The following KCNQ5 variants were observed in gnomAD, a reference collection of about 807,000 sequenced individuals.
The protein encoded by KCNQ5 is potassium voltage-gated channel subfamily Q member 5.
Under a neutral mutation model 98.2 loss-of-function variants are expected in KCNQ5, and 30 were observed. The observed-to-expected ratio is 0.31, with a 90% confidence interval of 0.23 to 0.41. The LOEUF (loss-of-function observed/expected upper bound fraction) is 0.41. KCNQ5 is among the 10% of genes least tolerant of loss of function. KCNQ5 has a pLI of 1.00. For synonymous variants in KCNQ5, 458 were observed against 449.4 expected, an observed-to-expected ratio of 1.02 and a Z score of -0.24; for missense variants, 835 against 1,182.5, an observed-to-expected ratio of 0.71 and a Z score of 4.31.
chr6:73,039,094 G>A (rs1409097252), intron 2 of KCNQ5, among the ~76,000 whole-genome samples: 2 of 151,978 alleles, frequency 1.3e-5, no homozygotes, highest in African/African-American at 4.8e-5. Context: ...AAAGGATTTG[G>A]TCCATTTCTT....
chr6:72,827,204 T>C (rs1173162875), intron 1 of KCNQ5, among the ~76,000 whole-genome samples: 1 of 152,128 alleles, frequency 6.6e-6, no homozygotes, highest in Non-Finnish European at 1.5e-5. Flanking sequence ...AGAAGTCTTT[T>C]TGATACAATG....
intron 5 of KCNQ5, among the ~76,000 whole-genome samples, chr6:73,096,206 T>C (rs561918450): frequency 6.6e-6 from 1 of 152,132 alleles, no homozygotes; most frequent in Admixed American, 6.5e-5. Context: ...TAAGCCAGTC[T>C]TGGGAAGTGG....
At chr6:72,654,828 T>G (rs148532437) in intron 1 of KCNQ5, among the ~76,000 whole-genome samples, 191 of 152,222 alleles carry the variant, frequency 1.3e-3, no homozygotes, top group African/African-American at 3.8e-3. Flanking sequence ...TTATTTTCAT[T>G]AAAATAAAGG....
intron 2 of KCNQ5, among the ~76,000 whole-genome samples, chr6:73,014,080 T>A (rs1014637165): frequency 2.0e-5 from 3 of 152,110 alleles, no homozygotes; most frequent in Admixed American, 2.0e-4. Flanking sequence ...TTCTCCTATT[T>A]CCAGGTTAGA....
chr6:73,098,057 A>G (rs1214756728), intron 5 of KCNQ5, among the ~76,000 whole-genome samples: 3 of 152,164 alleles, frequency 2.0e-5, no homozygotes, highest in Non-Finnish European at 4.4e-5. Flanking sequence ...ATTTTATCAG[A>G]TAAATTTAAC....
intron 1 of KCNQ5, among the ~76,000 whole-genome samples, chr6:72,975,218 T>G (rs539959666): frequency 1.4e-4 from 21 of 152,086 alleles, no homozygotes; most frequent in Admixed American, 3.9e-4. Flanking sequence ...TGTTTCTACC[T>G]ACATAAAATC....
chr6:72,691,236 T>C (rs548051191), intron 1 of KCNQ5, among the ~76,000 whole-genome samples: 3 of 152,202 alleles, frequency 2.0e-5, no homozygotes, highest in Non-Finnish European at 4.4e-5. Flanking sequence ...TAAAGAGATC[T>C]CAAGTTGGAA....
At chr6:73,191,789 T>A (rs1466902351) in intron 12 of KCNQ5, among the ~76,000 whole-genome samples, 1 of 152,210 alleles carries the variant, frequency 6.6e-6, no homozygotes. Flanking sequence ...GTAAATTAGA[T>A]GTCATGGCAG....
chr6:72,947,215 C>T (rs1258136462), intron 1 of KCNQ5, among the ~76,000 whole-genome samples: 1 of 152,148 alleles, frequency 6.6e-6, no homozygotes, highest in Non-Finnish European at 1.5e-5. Flanking sequence ...ATATGCTTCA[C>T]TTAACATGCT....
At chr6:72,909,432 T>G (rs1779835016) in intron 1 of KCNQ5, among the ~76,000 whole-genome samples, 1 of 152,126 alleles carries the variant, frequency 6.6e-6, no homozygotes, top group Admixed American at 6.6e-5. Context: ...GACGGGAAAT[T>G]AAGCGTTAAA....
chr6:73,016,583 T>C (rs1770357024), intron 2 of KCNQ5, among the ~76,000 whole-genome samples: 1 of 152,112 alleles, frequency 6.6e-6, no homozygotes. Flanking sequence ...GACCTGACTT[T>C]AGAATGGACT....
intron 1 of KCNQ5, among the ~76,000 whole-genome samples, chr6:72,646,404 A>G (rs752550680): frequency 5.9e-5 from 9 of 152,172 alleles, no homozygotes; most frequent in Non-Finnish European, 1.3e-4. Flanking sequence ...AAATAAAAAT[A>G]CTAAAATTTC....
At chr6:73,175,394 C>T (rs915576359) in intron 11 of KCNQ5, among the ~76,000 whole-genome samples, 11 of 101,916 alleles carry the variant, frequency 1.1e-4, no homozygotes, top group African/African-American at 4.6e-4. Flanking sequence ...AGGTGATCTG[C>T]CCCCCCCTTG....
At chr6:72,765,890 A>G (rs566526396) in intron 1 of KCNQ5, among the ~76,000 whole-genome samples, 12 of 152,154 alleles carry the variant, frequency 7.9e-5, no homozygotes, top group African/African-American at 2.2e-4. Context: ...AGTGGCTTCA[A>G]CTAGGATGAC....
chr6:72,626,304 A>G (rs1366208307), intron 1 of KCNQ5, among the ~76,000 whole-genome samples: 1 of 152,244 alleles, frequency 6.6e-6, no homozygotes, highest in African/African-American at 2.4e-5. Context: ...ACAAATGAGT[A>G]GTTAATTTTC....
chr6:72,647,938 A>C (rs1440822349), intron 1 of KCNQ5, among the ~76,000 whole-genome samples: 1 of 152,128 alleles, frequency 6.6e-6, no homozygotes, highest in Non-Finnish European at 1.5e-5. Context: ...TCAGCCACTC[A>C]GTAAATATTG....
At chr6:73,094,431 A>G (rs1774394628) in intron 5 of KCNQ5, among the ~76,000 whole-genome samples, 1 of 152,066 alleles carries the variant, frequency 6.6e-6, no homozygotes, top group African/African-American at 2.4e-5. Flanking sequence ...GTACCATTCC[A>G]TTCATTATGC....
intron 3 of KCNQ5, among the ~76,000 whole-genome samples, chr6:73,057,865 A>G (rs896308581): frequency 4.6e-5 from 7 of 152,402 alleles, no homozygotes; most frequent in African/African-American, 1.7e-4. Flanking sequence ...ACAAGGCTAC[A>G]GTAACCACAA....
At chr6:72,973,049 A>G (rs961202263) in intron 1 of KCNQ5, among the ~76,000 whole-genome samples, 3 of 152,210 alleles carry the variant, frequency 2.0e-5, no homozygotes, top group African/African-American at 7.2e-5. Flanking sequence ...GGTTCACTAA[A>G]TCAAACTGAA....
Sources: gnomAD v4.1 joint callset for allele counts (sites outside exome capture counted in the v4.1 genomes callset) on GRCh38, gnomAD v4.1.1 for gene constraint, MANE v1.5 for transcripts, NCBI Gene and HGNC (gene_info 2026-07-23, HGNC 2026-07-21) for gene names.